The following ADAM22 variants were observed in gnomAD, a reference collection of about 807,000 sequenced individuals.
The protein encoded by ADAM22 is disintegrin and metalloproteinase domain-containing protein 22.
Under a neutral mutation model 144.6 loss-of-function variants are expected in ADAM22, and 65 were observed. The observed-to-expected ratio is 0.45, with a 90% CI of 0.37 to 0.55. The LOEUF (loss-of-function observed/expected upper bound fraction) is 0.55. Among genes scored for constraint, ADAM22 ranks in the 20% least tolerant of loss-of-function variants. The pLI is 0.00. For synonymous variants in ADAM22, 391 were observed against 412.6 expected (o/e 0.95, Z 0.63); for missense variants, 974 against 1,184.9 (o/e 0.82, Z 2.61).
chr7:87,998,023 C>A (rs1791638181), intron 3 of ADAM22, among the ~76,000 whole-genome samples: 1 of 152,140 alleles, frequency 6.6e-6, no homozygotes, highest in African/African-American at 2.4e-5. Context: ...CCCTGGCAAA[C>A]CACTGGTGTA....
chr7:88,129,884 T>C (rs1831323656), intron 9 of ADAM22, among the ~76,000 whole-genome samples: 1 of 152,118 alleles, frequency 6.6e-6, no homozygotes, highest in East Asian at 1.9e-4. Flanking sequence ...CAACCAAAGA[T>C]ATATGTGATC....
intron 14 of ADAM22, 76 bp from the exon 15 acceptor site, chr7:88,142,950 A>T: frequency 2.3e-6 from 2 of 856,252 alleles, no homozygotes; most frequent in Non-Finnish European, 3.9e-6. Context: ...ATACAATTTT[A>T]AGTCTTCAGT....
rs1045875456 is a variant in ADAM22, at chr7:88,151,014, T to A, written c.1600T>A (p.Ser534Thr). 12 of 1,613,762 alleles carry A rather than the reference T, an allele frequency of 7.4e-6. No homozygotes were observed. Among genetic ancestry groups the A allele is most frequent in the Non-Finnish European group, 1.0e-5 (12 of 1,179,770 alleles). ...TAATATTCATAAAATGGATGGATAT[T>A]CATGTGATGGTGTTCAGGTAGGTCA... ...APNIHKMDGYSCDGVQGICFG... is the reference protein window; with the variant it reads ...APNIHKMDGYTCDGVQGICFG... The change falls in exon 19 of 32, where the codon TCA becomes ACA. Residue 534 changes from serine to threonine, a missense_variant. Ser to Thr is a moderately conservative substitution (Grantham distance 58, BLOSUM62 1). Around this residue, in one of 2 missense-constraint regions of ADAM22, gnomAD observed 734 missense variants for 950.6 expected, o/e 0.77. Transcript: ENST00000413139.
At chr7:88,172,934 A>G (rs1844716602) in intron 26 of ADAM22, among the ~76,000 whole-genome samples, 1 of 151,984 alleles carries the variant, frequency 6.6e-6, no homozygotes, top group South Asian at 2.1e-4. Context: ...TGGAAAATAG[A>G]ATTAGGCAAA....
intron 2 of ADAM22, among the ~76,000 whole-genome samples, chr7:87,965,680 A>G (rs1009061490): frequency 2.0e-5 from 3 of 152,206 alleles, no homozygotes; most frequent in African/African-American, 7.2e-5. Flanking sequence ...TCTAATGTCT[A>G]TATAAGCAAA....
chr7:88,028,403 T>C (rs918897240), intron 3 of ADAM22, among the ~76,000 whole-genome samples: 36 of 152,202 alleles, frequency 2.4e-4, no homozygotes, highest in African/African-American at 8.7e-4. Context: ...GCCTAATATA[T>C]GGTCTATTCT....
At chr7:88,051,349 C>CA (rs1806290601) in intron 3 of ADAM22, among the ~76,000 whole-genome samples, 1 of 152,156 alleles carries the variant, frequency 6.6e-6, no homozygotes, top group Non-Finnish European at 1.5e-5. Context: ...GGCACATATA[C>CA]ACCATGGAAT....
At chr7:88,153,427 T>TGATGCA in intron 21 of ADAM22, 101 bp downstream of exon 21, 1 of 909,504 alleles carries the variant, frequency 1.1e-6, no homozygotes, top group Non-Finnish European at 1.7e-6. Flanking sequence ...ACACAAAGTG[T>TGATGCA]GCTCTTGCCT....
At chr7:88,196,416 A>C in intron 31 of ADAM22, 55 bp from the exon 32 acceptor site, 3 of 1,600,812 alleles carry the variant, frequency 1.9e-6, no homozygotes, top group Non-Finnish European at 2.6e-6. Flanking sequence ...CCTATTCAGA[A>C]TACATCTGCT....
intron 3 of ADAM22, among the ~76,000 whole-genome samples, chr7:88,047,046 A>C (rs1199220519): frequency 1.3e-5 from 2 of 152,048 alleles, no homozygotes; most frequent in African/African-American, 4.8e-5. Context: ...CCACTTGTGT[A>C]CCTCCTTGGG....
intron 3 of ADAM22, among the ~76,000 whole-genome samples, chr7:87,990,969 C>A (rs35844181): frequency 0.22 from 33,530 of 152,040 alleles, 5,031 homozygotes; most frequent in Non-Finnish European, 0.32. Context: ...CAGCCTTTCT[C>A]CCTCTTTTAA....
intron 3 of ADAM22, among the ~76,000 whole-genome samples, chr7:88,020,956 T>G (rs1043812250): frequency 6.6e-6 from 1 of 152,094 alleles, no homozygotes; most frequent in Non-Finnish European, 1.5e-5. Flanking sequence ...TGAATTTTAC[T>G]CTAGAGTCAG....
intron 3 of ADAM22, among the ~76,000 whole-genome samples, chr7:88,050,909 G>C (rs1349722805): frequency 6.6e-6 from 1 of 152,124 alleles, no homozygotes; most frequent in East Asian, 1.9e-4. Context: ...ATTGCTTTTG[G>C]TGTTTTAGAC....
At chr7:87,968,165 G>C (rs1688902) in intron 2 of ADAM22, among the ~76,000 whole-genome samples, 89,490 of 151,974 alleles carry the variant, frequency 0.59, 27,224 homozygotes, top group African/African-American at 0.74. Context: ...TATTGGACAT[G>C]TATTATCACA....
At chr7:88,107,206 T>C (rs1322435911) in intron 4 of ADAM22, among the ~76,000 whole-genome samples, 6 of 142,034 alleles carry the variant, frequency 4.2e-5, no homozygotes, top group Non-Finnish European at 7.7e-5. Flanking sequence ...TTCTTTTTTT[T>C]TTTTTTTTTT....
chr7:88,093,722 T>C (rs976769739), intron 4 of ADAM22, among the ~76,000 whole-genome samples: 1 of 152,110 alleles, frequency 6.6e-6, no homozygotes, highest in African/African-American at 2.4e-5. Flanking sequence ...AATTTTTGTA[T>C]TTTTAGTGGA....
chr7:88,008,033 G>T (rs1157495524), intron 3 of ADAM22, among the ~76,000 whole-genome samples: 1 of 152,046 alleles, frequency 6.6e-6, no homozygotes, highest in Non-Finnish European at 1.5e-5. Context: ...AATCTACAAC[G>T]AACTCAAACA....
intron 2 of ADAM22, among the ~76,000 whole-genome samples, chr7:87,969,241 T>C (rs927947424): frequency 6.6e-6 from 1 of 152,226 alleles, no homozygotes; most frequent in Non-Finnish European, 1.5e-5. Context: ...CAGTAACATA[T>C]AGCGTGCCTT....
intron 4 of ADAM22, among the ~76,000 whole-genome samples, chr7:88,080,707 A>C (rs2129482817): frequency 6.6e-6 from 1 of 152,346 alleles, no homozygotes; most frequent in African/African-American, 2.4e-5. Context: ...CCATCAGAGA[A>C]TACTACAAAC....
Sources: gnomAD v4.1 joint callset for allele counts (sites outside exome capture counted in the v4.1 genomes callset) on GRCh38, gnomAD v4.1.1 for gene constraint, gnomAD v4.1.1 regional missense constraint, MANE v1.5 for transcripts, NCBI Gene and HGNC (gene_info 2026-07-23, HGNC 2026-07-21) for gene names.